Variants in SMIM31 observed in about 807,000 individuals in gnomAD.
SMIM31 encodes the protein small integral membrane protein 31.
chr4:164,792,243 C>T (rs1239368421), intron 2 of SMIM31, among the ~76,000 whole-genome samples: 2 of 152,072 alleles, frequency 1.3e-5, no homozygotes, highest in Admixed American at 6.6e-5. Flanking sequence ...TTTTTCAAAG[C>T]GGTTTCTTGA....
At position 164,798,779 on chromosome 4, in the gene SMIM31, G is replaced by A. The variant is rs146198740; in HGVS notation, c.113-2312G>A. ...AATCTCATGTTGAATTGTAATCCCC[G>A]TTGTTGAAGGTGGGGCCCGGTTGGG... is the stretch of plus-strand genomic sequence containing the variant. On this transcript the variant is annotated intron_variant, in intron 2 of 2. Transcript: ENST00000507311. Among the ~76,000 whole-genome samples the A allele has an allele frequency of 4.0e-3, 615 of 152,252 alleles. 8 individuals are homozygous for A. The highest frequency in any genetic ancestry group is 0.026 in the South Asian group (123 of 4,816).
At chr4:164,775,358 T>G (rs757198061) in intron 2 of SMIM31, among the ~76,000 whole-genome samples, 1 of 152,246 alleles carries the variant, frequency 6.6e-6, no homozygotes, top group Non-Finnish European at 1.5e-5. Flanking sequence ...CCTTGTTCTT[T>G]GTCTCATGAA....
intron 2 of SMIM31, among the ~76,000 whole-genome samples, chr4:164,779,642 A>G (rs148304187): frequency 6.6e-6 from 1 of 152,316 alleles, no homozygotes; most frequent in Non-Finnish European, 1.5e-5. Flanking sequence ...AGTGAGACTG[A>G]GGTCTTCCTA....
At chr4:164,783,111 C>A (rs369451854) in intron 2 of SMIM31, among the ~76,000 whole-genome samples, 16 of 150,606 alleles carry the variant, frequency 1.1e-4, no homozygotes, top group Middle Eastern at 3.5e-3. Flanking sequence ...CCAGCTACTC[C>A]GGAACCTGAG....
chr4:164,791,105 A>G (rs958041817), intron 2 of SMIM31, among the ~76,000 whole-genome samples: 3 of 152,170 alleles, frequency 2.0e-5, no homozygotes, highest in Non-Finnish European at 4.4e-5. Context: ...TTTCCAGATC[A>G]CAGATATAAC....
At chr4:164,766,888 T>C (rs929897950) in intron 1 of SMIM31, among the ~76,000 whole-genome samples, 28 of 151,818 alleles carry the variant, frequency 1.8e-4, no homozygotes, top group African/African-American at 6.5e-4. Flanking sequence ...AGTCAAGAAA[T>C]GCCTCTGTGG....
intron 2 of SMIM31, among the ~76,000 whole-genome samples, chr4:164,781,477 A>G (rs541442361): frequency 6.6e-6 from 1 of 152,202 alleles, no homozygotes; most frequent in Non-Finnish European, 1.5e-5. Context: ...GAAACAAACT[A>G]TTGATACATG....
intron 1 of SMIM31, among the ~76,000 whole-genome samples, chr4:164,756,040 T>G (rs1732556485): frequency 6.6e-6 from 1 of 152,172 alleles, no homozygotes; most frequent in Non-Finnish European, 1.5e-5. Context: ...CTCAGTAAAC[T>G]TTACCCCTAA....
At chr4:164,782,592 G>T (rs1732968309) in intron 2 of SMIM31, among the ~76,000 whole-genome samples, 1 of 109,260 alleles carries the variant, frequency 9.2e-6, no homozygotes, top group Non-Finnish European at 1.5e-5. Flanking sequence ...TGTTAGCCAG[G>T]ATGGTCTCGT....
rs145030183 is a variant in SMIM31 at position 164,783,081 on chromosome 4, G to A, written c.112+12526G>A. 8.4e-3 allele frequency among the ~76,000 whole-genome samples: 1,280 copies of A among 151,704 alleles called. 24 individuals are homozygous for A. Among genetic ancestry groups the A allele is most frequent in the African/African-American group, 0.028 (1,156 of 41,276 alleles). On this transcript the variant is annotated intron_variant, in intron 2 of 2. Coordinates refer to ENST00000507311, the MANE Select transcript of SMIM31 (RefSeq NM_001352885.1). ...AAAAATACAAAAATTAGCCAGGCACGTTGGCACACGCTTGTAGTCCCAGCT... is the reference window on the plus strand; with the variant it reads ...AAAAATACAAAAATTAGCCAGGCACATTGGCACACGCTTGTAGTCCCAGCT...
Position 164,778,875 on chromosome 4 carries a change from T to C in SMIM31, c.112+8320T>C, listed in dbSNP as rs554296777. 1.5e-3 allele frequency among the ~76,000 whole-genome samples: 235 copies of C among 151,982 alleles called. 2 individuals carry two copies. The highest frequency in any genetic ancestry group is 5.6e-3 in the African/African-American group (231 of 41,470). The stretch of plus-strand genomic sequence containing the variant: ...AAATTCAGGTATCCTTGAACAAACA[T>C]AGACAGATACTGATGATCCGCCATG... On this transcript the variant is annotated intron_variant, in intron 2 of 2. Coordinates refer to ENST00000507311, the MANE Select transcript of SMIM31 (RefSeq NM_001352885.1).
At chr4:164,774,736 AATTTT>A (rs1732858249) in intron 2 of SMIM31, among the ~76,000 whole-genome samples, 1 of 152,090 alleles carries the variant, frequency 6.6e-6, no homozygotes, top group African/African-American at 2.4e-5. Flanking sequence ...TGAGTAACAT[AATTTT>A]ATTTTCATTA....
At chr4:164,756,184 T>C (rs1394362059) in intron 1 of SMIM31, among the ~76,000 whole-genome samples, 2 of 152,226 alleles carry the variant, frequency 1.3e-5, no homozygotes, top group African/African-American at 4.8e-5. Context: ...TATGTACATC[T>C]ATGTAATCCA....
intron 1 of SMIM31, among the ~76,000 whole-genome samples, chr4:164,761,218 C>T (rs1362783561): frequency 1.3e-5 from 2 of 152,090 alleles, no homozygotes; most frequent in African/African-American, 4.8e-5. Flanking sequence ...TATGCCATAG[C>T]ATAACTTTAT....
At position 164,772,585 on chromosome 4, in the gene SMIM31, A is replaced by ATTTTTTT. The variant is rs755302201; in HGVS notation, c.112+2035_112+2041dup. 3.2e-4 allele frequency among the ~76,000 whole-genome samples: 45 copies of ATTTTTTT among 142,774 alleles called. 1 individual carries two copies. The highest frequency in any genetic ancestry group is 1.1e-3 in the South Asian group (5 of 4,428). The allele number at this position is 142,774 out of a possible 152,430, so 93.7% of individuals were successfully genotyped here. On this transcript the variant is annotated intron_variant, in intron 2 of 2. Coordinates refer to ENST00000507311, the MANE Select transcript of SMIM31 (RefSeq NM_001352885.1). ...GTTTTATTTTTTTTATTTTTATTTT[A>ATTTTTTT]TTTTTTTTTTTGAGACGGAGTCTCG...
At chr4:164,771,311 G>T (rs1732798881) in intron 2 of SMIM31, among the ~76,000 whole-genome samples, 2 of 152,182 alleles carry the variant, frequency 1.3e-5, no homozygotes, top group South Asian at 4.1e-4. Flanking sequence ...TGTTTCCACT[G>T]TGTTAGTTTA....
rs1303500457 is a variant in SMIM31, at chr4:164,801,306, A to G, written c.*112A>G. 24 of 395,776 alleles carry G rather than the reference A, an allele frequency of 6.1e-5. No individual in the cohort carries two copies. The highest frequency in any genetic ancestry group is 1.8e-4 in the Admixed American group (4 of 22,640). The allele number at this position is 395,776 out of a possible 1,614,324, so 24.5% of individuals were successfully genotyped here. ...ATAATGAAGAAAGTTAAAATCACTT[A>G]CTGATTAAACACGATGATAATAACC... is the stretch of plus-strand genomic sequence containing the variant. On this transcript the variant is annotated 3_prime_UTR_variant, in exon 3 of 3. Coordinates refer to ENST00000507311, the MANE Select transcript of SMIM31 (RefSeq NM_001352885.1).
intron 2 of SMIM31, among the ~76,000 whole-genome samples, chr4:164,789,838 C>G (rs909315855): frequency 6.6e-6 from 1 of 151,982 alleles, no homozygotes; most frequent in Non-Finnish European, 1.5e-5. Flanking sequence ...TAATGTTTCT[C>G]TCTCTGAGTC....
intron 2 of SMIM31, among the ~76,000 whole-genome samples, chr4:164,788,988 T>A (rs1250671946): frequency 6.6e-6 from 1 of 152,124 alleles, no homozygotes; most frequent in African/African-American, 2.4e-5. Flanking sequence ...TCTGAGACAT[T>A]AATGGAACTT....
Sources: allele counts gnomAD v4.1 joint callset (sites outside exome capture counted in the v4.1 genomes callset), GRCh38; gene constraint gnomAD v4.1.1; transcripts MANE v1.5; gene names NCBI Gene and HGNC (gene_info 2026-07-23, HGNC 2026-07-21).